The following HADHB variants were observed in gnomAD, a reference collection of about 807,000 sequenced individuals.
HADHB encodes the protein hydroxyacyl-CoA dehydrogenase trifunctional multienzyme complex subunit beta, also known as trifunctional enzyme subunit beta, mitochondrial.
HADHB carries 50 observed loss-of-function variants against 61.9 expected under a neutral mutation model. The observed-to-expected ratio is 0.81, with a 90% CI of 0.64 to 1.02. The LOEUF is 1.02. Among genes scored for constraint, HADHB ranks in the 50% least tolerant of loss-of-function variants. The probability of loss-of-function intolerance (pLI) is 0.00; values close to 1 mark genes in which losing one functional copy is unlikely to be tolerated. For missense variants in HADHB, 504 were observed against 586.5 expected (o/e 0.86, Z 1.45); for synonymous variants, 191 against 201.6 (o/e 0.95, Z 0.45).
chr2:26,275,498 G>A (rs1672503675), intron 6 of HADHB, among the ~76,000 whole-genome samples: 2 of 152,126 alleles, frequency 1.3e-5, no homozygotes, highest in South Asian at 2.1e-4. Flanking sequence ...AGCTCCTTCC[G>A]TCCTGAGAGT....
At chr2:26,254,693 G>T in intron 3 of HADHB, 1 of 510,188 alleles carries the variant, frequency 2.0e-6, no homozygotes, top group Non-Finnish European at 3.5e-6. Flanking sequence ...ATGGGAGGCT[G>T]TTTTCTGGGA....
chr2:26,263,260 T>G (rs1671932037), intron 3 of HADHB, 120 bp from the exon 4 acceptor site: 3 of 620,780 alleles, frequency 4.8e-6, no homozygotes, highest in African/African-American at 3.8e-5. Context: ...GATCACGCCA[T>G]TGCACTCCAG....
rs1553318167 is a variant in HADHB, at chr2:26,253,853, C to CG, written c.-8-394_-8-393insG. Among the ~76,000 whole-genome samples, 7 of 75,684 alleles carry CG rather than the reference C, an allele frequency of 9.2e-5. 1 individual carries two copies. Among genetic ancestry groups the CG allele is most frequent in the Admixed American group, 2.6e-4 (2 of 7,840 alleles). 49.7% of individuals were successfully genotyped at this position (75,684 alleles called of 152,430 possible). A position where few individuals can be genotyped will look rare whatever the true frequency, so the allele number is the denominator to read the frequency against. On this transcript the variant is annotated intron_variant, in intron 1 of 15. Coordinates refer to ENST00000317799, the MANE Select transcript of HADHB (RefSeq NM_000183.3). ...GGGCAACAAGAGCAAAACTCCATCT[C>CG]AAAAAAATAAATAAATAAATAAATA...
intron 1 of HADHB, among the ~76,000 whole-genome samples, chr2:26,251,418 G>C (rs1015465859): frequency 6.6e-6 from 1 of 152,074 alleles, no homozygotes; most frequent in African/African-American, 2.4e-5. Context: ...AAACTCCTGG[G>C]CTCAAGTGAT....
At chr2:26,258,956 C>T (rs377701757) in intron 3 of HADHB, among the ~76,000 whole-genome samples, 1 of 152,182 alleles carries the variant, frequency 6.6e-6, no homozygotes, top group Non-Finnish European at 1.5e-5. Flanking sequence ...CCCAGCTAGG[C>T]TTAGGAATTC....
Position 26,254,269 on chromosome 2 carries a change from T to A in HADHB, c.15T>A (p.Thr5=), listed in dbSNP as rs751728875. The A allele has an allele frequency of 1.4e-6, 2 of 1,453,712 alleles. No homozygotes were observed. The highest frequency in any genetic ancestry group is 1.9e-6 in the Non-Finnish European group (2 of 1,033,682). The allele number at this position is 1,453,712 out of a possible 1,614,324, so 90.1% of individuals were successfully genotyped here. Reference sequence around the variant, plus strand: ...TAGATTCCAGAATGACTATCTTGACTTACCCCTTTAAAAATCTTCCCACTG... The same window carrying A: ...TAGATTCCAGAATGACTATCTTGACATACCCCTTTAAAAATCTTCCCACTG... MTIL[T]YPFKNLPTAS... The change falls in exon 2 of 16, where the codon ACT becomes ACA. Residue 5 remains threonine (T), a synonymous_variant. Coordinates refer to ENST00000317799, the MANE Select transcript of HADHB (RefSeq NM_000183.3).
intron 4 of HADHB, among the ~76,000 whole-genome samples, chr2:26,264,573 A>AAAG (rs1553319804): frequency 6.8e-6 from 1 of 147,368 alleles, no homozygotes; most frequent in Admixed American, 7.1e-5. Context: ...AAAAAAAAAA[A>AAAG]GCAAGGTGCA....
intron 10 of HADHB, among the ~76,000 whole-genome samples, chr2:26,280,741 T>C (rs1358236730): frequency 1.3e-5 from 2 of 150,706 alleles, no homozygotes; most frequent in Non-Finnish European, 2.9e-5. Flanking sequence ...TAATCCCGGC[T>C]ACTCGGGAGG....
chr2:26,280,509 G>A (rs1672741218), intron 10 of HADHB, among the ~76,000 whole-genome samples: 2 of 152,198 alleles, frequency 1.3e-5, no homozygotes, highest in Admixed American at 6.5e-5. Context: ...GGTAACACTT[G>A]AGCAGCAAAT....
At chr2:26,286,209 A>G (rs1181130232) in intron 15 of HADHB, among the ~76,000 whole-genome samples, 3 of 152,244 alleles carry the variant, frequency 2.0e-5, no homozygotes, top group African/African-American at 7.2e-5. Context: ...TCAGACATTA[A>G]CATTATTAAC....
Position 26,264,938 on chromosome 2 carries a change from C to T in HADHB, c.209+1459C>T, listed in dbSNP as rs953939499. ...CCAAGAGGTGGAGGTTGCAGTGAGC[C>T]AAGATCATGCCACTGTACTCCAGCC... On this transcript the variant is annotated intron_variant, in intron 4 of 15. Coordinates refer to ENST00000317799, the MANE Select transcript of HADHB (RefSeq NM_000183.3). 3.4e-5 allele frequency among the ~76,000 whole-genome samples: 5 copies of T among 147,618 alleles called. No homozygotes were observed. The Admixed American group carries it at 3.4e-4, about 10-fold the overall frequency.
At chr2:26,248,478 C>T (rs750631975) in intron 1 of HADHB, among the ~76,000 whole-genome samples, 7 of 151,630 alleles carry the variant, frequency 4.6e-5, no homozygotes, top group Admixed American at 2.0e-4. Flanking sequence ...GAGTATTTTA[C>T]GCTAGAGACC....
At chr2:26,265,953 C>T (rs545820779) in intron 4 of HADHB, among the ~76,000 whole-genome samples, 70 of 152,132 alleles carry the variant, frequency 4.6e-4, no homozygotes, top group Admixed American at 1.2e-3. Flanking sequence ...ATAATTCCAG[C>T]GCTTTGGGAG....
At chr2:26,266,871 C>CAAAAATAAAA (rs1672105293) in intron 4 of HADHB, among the ~76,000 whole-genome samples, 1 of 45,426 alleles carries the variant, frequency 2.2e-5, no homozygotes, top group South Asian at 1.2e-3. Flanking sequence ...CACTCTCTCT[C>CAAAAATAAAA]AAAAAAAAAA....
intron 3 of HADHB, chr2:26,261,215 C>A (rs369508676): frequency 1.4e-4 from 65 of 470,028 alleles, no homozygotes; most frequent in African/African-American, 9.7e-4. Context: ...AACAAATACC[C>A]CCCCCCCATC....
chr2:26,271,127 CCT>C (rs1478291480), intron 5 of HADHB, among the ~76,000 whole-genome samples: 2 of 149,448 alleles, frequency 1.3e-5, no homozygotes, highest in African/African-American at 4.9e-5. Flanking sequence ...GATCTCCTGA[CCT>C]CGTGATCCGC....
In HADHB at chr2:26,279,267, GCA is replaced by G; in HGVS notation, c.766_767del (p.Gln256GlyfsTer2). 1 of 1,613,448 alleles carries G rather than the reference GCA, an allele frequency of 6.2e-7. No individual in the cohort carries two copies. Among genetic ancestry groups the G allele is most frequent in the Non-Finnish European group, 8.5e-7 (1 of 1,179,416 alleles). The part of the protein sequence containing the change: ...ALRSHSLAKK[A>X]QDEGLLSDVV... ...GCGCTCTCACAGTCTAGCCAAGAAG[GCA>G]CAGGATGAAGGACTCCTTTCTGATG... On this transcript the variant is annotated frameshift_variant, in exon 9 of 16. Transcript: ENST00000317799. LOFTEE classifies it high-confidence loss of function.
Position 26,283,032 on chromosome 2 carries a change from A to C in HADHB, c.1042A>C (p.Lys348Gln), listed in dbSNP as rs1184371458. Residue 348 changes from lysine (K) to glutamine (Q), a missense_variant, in exon 12 of 16, where the codon AAA becomes CAA. By Grantham distance (53) the Lys-to-Gln change is moderately conservative. Transcript: ENST00000317799. ...RDFMYVSQDPKDQLLLGPTYA... is the reference protein window; with the variant it reads ...RDFMYVSQDPQDQLLLGPTYA... ...TTTTATGTATGTGTCTCAGGATCCA[A>C]AAGATCAACTATTACTTGGGTAGGT... 3 of 1,608,492 alleles carry C rather than the reference A, an allele frequency of 1.9e-6. No homozygotes were observed. Among genetic ancestry groups the C allele is most frequent in the Non-Finnish European group, 2.6e-6 (3 of 1,174,824 alleles).
In HADHB at chr2:26,263,479, C is replaced by G. The variant is rs996233345; in HGVS notation, c.209C>G (p.Ser70Ter). Residue 70 changes from serine (S) to a stop codon, truncating the protein, a stop_gained and splice_region_variant, in exon 4 of 16, where the codon TCA (serine) becomes TGA (stop). Transcript: ENST00000317799. LOFTEE classifies it high-confidence loss of function. ...ACTCCATTTTTGCTGTCTGGCACTTCGTAAGTATGACATGATCATATTATT... is the reference window on the plus strand; with the variant it reads ...ACTCCATTTTTGCTGTCTGGCACTTGGTAAGTATGACATGATCATATTATT... ...VRTPFLLSGT[S>*]YKDLMPHDLA... 2 of 1,548,126 alleles carry G rather than the reference C, an allele frequency of 1.3e-6. No individual in the cohort carries two copies. Among genetic ancestry groups the G allele is most frequent in the East Asian group, 2.2e-5 (1 of 44,536 alleles).
Sources: allele counts gnomAD v4.1 joint callset (sites outside exome capture counted in the v4.1 genomes callset), GRCh38; gene constraint gnomAD v4.1.1; transcripts MANE v1.5; gene names NCBI Gene and HGNC (gene_info 2026-07-23, HGNC 2026-07-21).